Variants in MEI4 observed in about 807,000 individuals in gnomAD.
MEI4 encodes meiotic double-stranded break formation protein 4, also known as meiosis-specific protein MEI4.
In MEI4, 27 loss-of-function variants were observed where a neutral mutation model predicts 31.4. The ratio of observed to expected loss-of-function variants is 0.86; its 90% CI spans 0.63 to 1.19. The LOEUF (loss-of-function observed/expected upper bound fraction) is 1.19, where lower values mean the gene tolerates loss of function less well. Ranked by LOEUF, MEI4 falls within the 50% of genes most tolerant of loss-of-function variation. MEI4 has a pLI of 0.00. For synonymous variants in MEI4, 122 were observed against 145.4 expected (o/e 0.84, Z 1.16); for missense variants, 329 against 398.9 (o/e 0.82, Z 1.49).
At chr6:77,812,199 A>G (rs1412938839) in intron 3 of MEI4, among the ~76,000 whole-genome samples, 5 of 152,164 alleles carry the variant, frequency 3.3e-5, no homozygotes, top group Admixed American at 6.6e-5. Context: ...ATTCTTGAAA[A>G]GTTAGACACT....
chr6:77,741,633 TTTTAA>T (rs777189941), intron 2 of MEI4, among the ~76,000 whole-genome samples: 10 of 152,218 alleles, frequency 6.6e-5, no homozygotes, highest in Middle Eastern at 3.4e-3. Context: ...TAATTTTTAT[TTTTAA>T]TTTAAGTTTT....
intron 4 of MEI4, among the ~76,000 whole-genome samples, chr6:77,919,035 A>T (rs879398699): frequency 3.9e-4 from 59 of 152,150 alleles, no homozygotes; most frequent in South Asian, 1.7e-3. Context: ...TTAGACTCCC[A>T]CACATTAATA....
chr6:77,832,348 G>GTA (rs1432057281), intron 4 of MEI4, among the ~76,000 whole-genome samples: 1 of 151,802 alleles, frequency 6.6e-6, no homozygotes, highest in African/African-American at 2.4e-5. Context: ...GATTGTGTAT[G>GTA]TATATATATG....
At chr6:77,677,546 C>T (rs1332426067) in intron 1 of MEI4, among the ~76,000 whole-genome samples, 1 of 152,206 alleles carries the variant, frequency 6.6e-6, no homozygotes, top group Non-Finnish European at 1.5e-5. Flanking sequence ...TCTGTCCTGA[C>T]ACTTTTTCTC....
rs942102598 is a variant in MEI4, at chr6:77,847,656, T to G, written c.900+18594T>G. On this transcript the variant is annotated intron_variant, in intron 4 of 4. Coordinates refer to ENST00000684080, the MANE Select transcript of MEI4 (RefSeq NM_001322247.2). The surrounding 1 kb of genome is among the most constrained non-coding windows in gnomAD (Gnocchi z 4.6). ...AGCATGGAAAGGAGCAGCCATTTCT[T>G]TCCTACTCCGATCTTTGTATTATAG... Among the ~76,000 whole-genome samples, 12 of 152,296 alleles carry G rather than the reference T, an allele frequency of 7.9e-5. No homozygotes were observed. The highest frequency in any genetic ancestry group is 2.9e-4 in the African/African-American group (12 of 41,572).
rs967382187 is a variant in MEI4, at chr6:77,733,738, C to G, written c.233-27392C>G. 3.9e-5 allele frequency among the ~76,000 whole-genome samples: 6 copies of G among 152,120 alleles called. No homozygotes were observed. The East Asian group carries it at 1.2e-3, about 29-fold the overall frequency. On this transcript the variant is annotated intron_variant, in intron 2 of 4. Transcript: ENST00000684080. ...TGATGTTAGGGTGTCAATTCTGGAT[C>G]TTTTCTGCTTTCTCTTGTGGGCATT...
intron 1 of MEI4, among the ~76,000 whole-genome samples, chr6:77,687,032 A>G (rs987564490): frequency 6.6e-6 from 1 of 152,056 alleles, no homozygotes; most frequent in African/African-American, 2.4e-5. Flanking sequence ...GGAGAAATAA[A>G]TGATACAAAT....
chr6:77,888,757 G>A (rs1771685048), intron 4 of MEI4, among the ~76,000 whole-genome samples: 1 of 152,070 alleles, frequency 6.6e-6, no homozygotes, highest in Non-Finnish European at 1.5e-5. Context: ...GCCTGGCTGT[G>A]TTCCCACCCA....
chr6:77,910,048 G>C (rs777817528), intron 4 of MEI4, among the ~76,000 whole-genome samples: 1 of 152,116 alleles, frequency 6.6e-6, no homozygotes, highest in Non-Finnish European at 1.5e-5. Flanking sequence ...GGTATTGATG[G>C]GACGTATCTC....
At chr6:77,730,301 C>A (rs1766942711) in intron 2 of MEI4, among the ~76,000 whole-genome samples, 1 of 152,258 alleles carries the variant, frequency 6.6e-6, no homozygotes, top group East Asian at 1.9e-4. Context: ...TTCACTGTTA[C>A]ACTTTGTAGC....
chr6:77,730,772 C>T (rs542791023), intron 2 of MEI4, among the ~76,000 whole-genome samples: 300 of 147,148 alleles, frequency 2.0e-3, no homozygotes, highest in African/African-American at 6.8e-3. Context: ...TGCTATCCCT[C>T]GCCCCTCCCC....
intron 3 of MEI4, among the ~76,000 whole-genome samples, chr6:77,808,976 A>C (rs548333215): frequency 6.6e-6 from 1 of 152,296 alleles, no homozygotes; most frequent in Admixed American, 6.5e-5. Flanking sequence ...TCTGCAAATG[A>C]GGCAATGTCT....
At chr6:77,910,298 A>T (rs9361312) in intron 4 of MEI4, among the ~76,000 whole-genome samples, 125,575 of 152,054 alleles carry the variant, frequency 0.83, 52,374 homozygotes, top group East Asian at 0.95. Flanking sequence ...TGATTGTATA[A>T]CTAGAAAACC....
At chr6:77,793,424 A>G (rs1768992107) in intron 3 of MEI4, among the ~76,000 whole-genome samples, 1 of 152,218 alleles carries the variant, frequency 6.6e-6, no homozygotes, top group Non-Finnish European at 1.5e-5. Flanking sequence ...AAGGACACTA[A>G]ATAACAAGAT....
At chr6:77,733,377 T>G (rs1008678292) in intron 2 of MEI4, among the ~76,000 whole-genome samples, 2 of 152,234 alleles carry the variant, frequency 1.3e-5, no homozygotes, top group South Asian at 2.1e-4. Flanking sequence ...TGTCTAGGAA[T>G]TTATCCATTT....
At chr6:77,705,279 A>ATT (rs1453855462) in intron 2 of MEI4, among the ~76,000 whole-genome samples, 1 of 152,166 alleles carries the variant, frequency 6.6e-6, no homozygotes, top group African/African-American at 2.4e-5. Flanking sequence ...AACCAGTAGA[A>ATT]AACCTTAAAT....
At chr6:77,876,290 TC>T (rs751760116) in intron 4 of MEI4, among the ~76,000 whole-genome samples, 10 of 152,294 alleles carry the variant, frequency 6.6e-5, no homozygotes, top group East Asian at 5.8e-4. Flanking sequence ...AGGTGATTAG[TC>T]CTTGAGAGCT....
intron 2 of MEI4, among the ~76,000 whole-genome samples, chr6:77,734,360 C>A (rs1354024470): frequency 6.6e-6 from 1 of 152,036 alleles, no homozygotes; most frequent in Non-Finnish European, 1.5e-5. Flanking sequence ...GTTAGCTCTT[C>A]TTGTTGAATT....
intron 3 of MEI4, among the ~76,000 whole-genome samples, chr6:77,803,054 T>TC: frequency 6.6e-6 from 1 of 152,360 alleles, no homozygotes; most frequent in Admixed American, 6.5e-5. Context: ...CTGGATAATA[T>TC]CCTGCAGAGT....
Sources: allele counts gnomAD v4.1 joint callset (sites outside exome capture counted in the v4.1 genomes callset), GRCh38; gene constraint gnomAD v4.1.1; non-coding constraint Gnocchi (gnomAD v3.1); transcripts MANE v1.5; gene names NCBI Gene and HGNC (gene_info 2026-07-23, HGNC 2026-07-21).